USH2A: variants seen among roughly 807,000 people sequenced by gnomAD.
USH2A encodes usherin.
Under a neutral mutation model 538.9 loss-of-function variants are expected in USH2A, and 443 were observed. The observed-to-expected ratio is 0.82, with a 90% CI of 0.76 to 0.89. USH2A has a LOEUF of 0.89. Among genes scored for constraint, USH2A ranks in the 40% least tolerant of loss-of-function variants. The pLI is 0.00. For synonymous variants in USH2A, 2,413 were observed against 2,273.5 expected (o/e 1.06, Z -1.75); for missense variants, 6,633 against 6,324.8 (o/e 1.05, Z -1.65).
At position 215,680,836 on chromosome 1, in the gene USH2A, C is replaced by T. The variant is rs140835270; in HGVS notation, c.12067-460G>A. ...CCTAATTTCCAAATCTGTTTGTACACAAGACTCTCCATCTTCCCAGTCTCC... is the reference window on the plus strand; with the variant it reads ...CCTAATTTCCAAATCTGTTTGTACATAAGACTCTCCATCTTCCCAGTCTCC... On this transcript the variant is annotated intron_variant, in intron 61 of 71. Transcript: ENST00000307340. 9.9e-5 allele frequency among the ~76,000 whole-genome samples: 15 copies of T among 152,204 alleles called. No homozygotes were observed. In the East Asian group the frequency reaches 1.2e-3, roughly 12 times the overall value.
intron 15 of USH2A, among the ~76,000 whole-genome samples, chr1:216,213,534 TAAA>T (rs1261566618): frequency 1.3e-5 from 2 of 151,880 alleles, no homozygotes; most frequent in Non-Finnish European, 2.9e-5. Context: ...TGTCAAAAAA[TAAA>T]AATGAAATAA....
intron 35 of USH2A, among the ~76,000 whole-genome samples, chr1:215,992,410 A>C (rs1668022636): frequency 6.6e-6 from 1 of 152,212 alleles, no homozygotes. Flanking sequence ...GTGAAACGTA[A>C]CTGACTAGCT....
chr1:216,099,763 C>T (rs12069140), intron 21 of USH2A, among the ~76,000 whole-genome samples: 6,611 of 151,978 alleles, frequency 0.043, 481 homozygotes, highest in African/African-American at 0.15. Context: ...GAAAATGGGG[C>T]ATTAATAACA....
intron 20 of USH2A, among the ~76,000 whole-genome samples, chr1:216,188,953 AAT>A (rs1205045455): frequency 6.6e-6 from 1 of 151,872 alleles, no homozygotes; most frequent in Non-Finnish European, 1.5e-5. Context: ...TCTAGTCTGA[AAT>A]TGTATCATTT....
chr1:216,127,075 T>A (rs1402457016), intron 21 of USH2A, among the ~76,000 whole-genome samples: 1 of 152,226 alleles, frequency 6.6e-6, no homozygotes, highest in African/African-American at 2.4e-5. Context: ...GGGAGACAGT[T>A]TGCATTAAAA....
At chr1:215,707,838 A>C (rs1659223988) in intron 61 of USH2A, among the ~76,000 whole-genome samples, 1 of 152,194 alleles carries the variant, frequency 6.6e-6, no homozygotes, top group Non-Finnish European at 1.5e-5. Flanking sequence ...CAAGCACTGA[A>C]GGTGTATACA....
At chr1:216,065,999 T>A (rs1194476791) in intron 30 of USH2A, among the ~76,000 whole-genome samples, 1 of 152,114 alleles carries the variant, frequency 6.6e-6, no homozygotes. Flanking sequence ...AAAAAACTAA[T>A]CTCTCTAGTA....
At chr1:216,017,648 A>G (rs944497243) in intron 32 of USH2A, among the ~76,000 whole-genome samples, 1 of 152,208 alleles carries the variant, frequency 6.6e-6, no homozygotes, top group Non-Finnish European at 1.5e-5. Context: ...CTGTGGCAGG[A>G]AAAGAGTAGG....
intron 47 of USH2A, among the ~76,000 whole-genome samples, chr1:215,819,800 T>G (rs1438500352): frequency 6.6e-6 from 1 of 151,750 alleles, no homozygotes; most frequent in African/African-American, 2.4e-5. Flanking sequence ...ATGAACAGTT[T>G]GCTTTTGAGG....
chr1:215,938,789 CT>C (rs1371877456), intron 37 of USH2A, among the ~76,000 whole-genome samples: 4 of 152,112 alleles, frequency 2.6e-5, no homozygotes, highest in African/African-American at 9.7e-5. Flanking sequence ...TGGGCTTTAA[CT>C]GGGGGTCTCA....
chr1:215,818,608 G>C (rs952123398), intron 47 of USH2A, among the ~76,000 whole-genome samples: 1 of 151,474 alleles, frequency 6.6e-6, no homozygotes, highest in African/African-American at 2.4e-5. Context: ...ATACAATGAA[G>C]GTATAACATC....
rs1664845570 is a variant in USH2A at position 215,879,074 on chromosome 1, G to C, written c.8248C>G (p.Gln2750Glu). The C allele has an allele frequency of 1.2e-6, 2 of 1,613,792 alleles. No homozygotes were observed. The highest frequency in any genetic ancestry group is 1.7e-5 in the Admixed American group (1 of 59,992). Reference protein sequence around the residue: ...VQVTWKPPLIQNGDILSYEIH... With the variant: ...VQVTWKPPLIENGDILSYEIH... The stretch of plus-strand genomic sequence containing the variant: ...TCATAGCTAAGTATGTCTCCGTTCT[G>C]GATGAGTGGGGGTTTCCAAGTGACC... The change falls in exon 42 of 72, where the codon CAG (glutamine) becomes GAG (glutamate). Residue 2750 changes from glutamine (Q) to glutamate (E), a missense_variant. Gln to Glu is a conservative substitution (Grantham distance 29, BLOSUM62 2). Coordinates refer to ENST00000307340, the MANE Select transcript of USH2A (RefSeq NM_206933.4).
intron 4 of USH2A, 122 bp from the exon 5 acceptor site, chr1:216,327,776 T>C: frequency 8.5e-7 from 1 of 1,173,098 alleles, no homozygotes; most frequent in Non-Finnish European, 1.2e-6. Context: ...GTCACTGCCC[T>C]TTGAAACTTT....
intron 21 of USH2A, among the ~76,000 whole-genome samples, chr1:216,124,173 A>G (rs993380571): frequency 1.3e-5 from 2 of 152,194 alleles, no homozygotes; most frequent in African/African-American, 4.8e-5. Flanking sequence ...GCAGAAAGTA[A>G]TTAAATTGAC....
chr1:216,245,103 A>G (rs1220167393), intron 13 of USH2A, among the ~76,000 whole-genome samples: 1 of 152,142 alleles, frequency 6.6e-6, no homozygotes, highest in Non-Finnish European at 1.5e-5. Flanking sequence ...ATTGATTGCA[A>G]ATTTGAAAGG....
At chr1:215,746,867 A>G (rs2820722) in intron 58 of USH2A, among the ~76,000 whole-genome samples, 62,348 of 151,958 alleles carry the variant, frequency 0.41, 12,989 homozygotes, top group Admixed American at 0.47. Flanking sequence ...TCACTTTGAT[A>G]TGGAAAATTT....
intron 14 of USH2A, among the ~76,000 whole-genome samples, chr1:216,223,615 G>A (rs79977762): frequency 0.03 from 4,556 of 152,204 alleles, 240 homozygotes; most frequent in African/African-American, 0.1. Context: ...ATCTGCCACT[G>A]CCTTGTGAGA....
intron 40 of USH2A, among the ~76,000 whole-genome samples, chr1:215,896,773 C>T (rs1278357764): frequency 2.6e-5 from 4 of 152,120 alleles, no homozygotes; most frequent in African/African-American, 7.2e-5. Flanking sequence ...TGCTCCCAAG[C>T]CTAACATAAT....
intron 64 of USH2A, among the ~76,000 whole-genome samples, chr1:215,657,017 G>A (rs954740778): frequency 6.6e-5 from 10 of 152,266 alleles, no homozygotes; most frequent in African/African-American, 2.4e-4. Context: ...CCCATGAGGG[G>A]GACAAATAGA....
Sources: gnomAD v4.1 joint callset for allele counts (sites outside exome capture counted in the v4.1 genomes callset) on GRCh38, gnomAD v4.1.1 for gene constraint, MANE v1.5 for transcripts, NCBI Gene and HGNC (gene_info 2026-07-23, HGNC 2026-07-21) for gene names.